Variants in SLF2 observed in about 807,000 individuals in gnomAD.
SLF2 encodes SMC5/6 complex localization factor 2.
In SLF2, 68 loss-of-function variants were observed where a neutral mutation model predicts 124.3. That is an observed-to-expected ratio of 0.55 (90% CI 0.45 to 0.67). SLF2 has a LOEUF of 0.67. Ranked by LOEUF, SLF2 falls within the 30% of genes least tolerant of loss-of-function variation. The pLI is 0.00. For synonymous variants in SLF2, 480 were observed against 478.8 expected (o/e 1.00, Z -0.03); for missense variants, 1,246 against 1,373.7 (o/e 0.91, Z 1.47).
intron 9 of SLF2, among the ~76,000 whole-genome samples, chr10:100,932,729 G>A (rs532709365): frequency 1.4e-3 from 217 of 150,138 alleles, no homozygotes; most frequent in Middle Eastern, 3.5e-3. Context: ...GTGCGCGCGC[G>A]CGCGCGCGCA....
At chr10:100,950,578 T>A (rs1850192022) in intron 16 of SLF2, 98 bp from the exon 17 acceptor site, 1 of 1,009,442 alleles carries the variant, frequency 9.9e-7, no homozygotes, top group South Asian at 1.5e-5. Flanking sequence ...CTTGACCGTA[T>A]CCTTTATCCT....
At chr10:100,938,778 G>T in intron 11 of SLF2, 42 bp downstream of exon 11, 1 of 1,534,940 alleles carries the variant, frequency 6.5e-7, no homozygotes, top group South Asian at 1.2e-5. Flanking sequence ...ATATCATTTC[G>T]TACGACTTAT....
chr10:100,914,719 G>A (rs1288424258), intron 1 of SLF2, among the ~76,000 whole-genome samples: 1 of 152,114 alleles, frequency 6.6e-6, no homozygotes, highest in East Asian at 1.9e-4. Context: ...TCCATAGCCC[G>A]TCACTCATAT....
intron 9 of SLF2, among the ~76,000 whole-genome samples, chr10:100,935,791 A>G (rs1849836744): frequency 6.6e-6 from 1 of 152,016 alleles, no homozygotes; most frequent in South Asian, 2.1e-4. Context: ...AGATGAAAGT[A>G]TAAAATAATA....
intron 17 of SLF2, among the ~76,000 whole-genome samples, chr10:100,952,546 C>T (rs1476097584): frequency 1.2e-5 from 1 of 81,714 alleles, no homozygotes; most frequent in African/African-American, 4.6e-5. Context: ...GACTCCACCT[C>T]AAAAAAAAAA....
intron 4 of SLF2, 80 bp downstream of exon 4, chr10:100,918,521 A>G (rs373243689): frequency 1.1e-6 from 1 of 888,314 alleles, no homozygotes; most frequent in African/African-American, 1.7e-5. Context: ...AATTTGTTTA[A>G]ATATGCAGTT....
At chr10:100,944,617 G>A (rs1015390133) in intron 12 of SLF2, among the ~76,000 whole-genome samples, 6 of 151,638 alleles carry the variant, frequency 4.0e-5, no homozygotes, top group Non-Finnish European at 8.8e-5. Flanking sequence ...TTTAATATTA[G>A]TGATGAACAG....
At position 100,931,053 on chromosome 10, in the gene SLF2, TC is replaced by T; in HGVS notation, c.2414del (p.Pro805LeufsTer3). 6.2e-7 allele frequency: 1 copy of T among 1,613,838 alleles called. No individual in the cohort carries two copies. The highest frequency in any genetic ancestry group is 8.5e-7 in the Non-Finnish European group (1 of 1,179,862). On this transcript the variant is annotated frameshift_variant, in exon 9 of 20. Coordinates refer to ENST00000238961, the MANE Select transcript of SLF2 (RefSeq NM_018121.4). LOFTEE classifies it high-confidence loss of function. ...GCTTATCACTATGTCCAGTGTCCTGTCCCTGTGTTAAAGTGGCTGTTTCGGG... is the reference window on the plus strand; with the variant it reads ...GCTTATCACTATGTCCAGTGTCCTGTCCTGTGTTAAAGTGGCTGTTTCGGG... ...TSAYHYVQCP[V>X]PVLKWLFRMM...
At position 100,924,923 on chromosome 10, in the gene SLF2, A is replaced by G. The variant is rs528451428; in HGVS notation, c.1922A>G (p.Lys641Arg). 1.2e-6 allele frequency: 2 copies of G among 1,614,028 alleles called. No homozygotes were observed. Among genetic ancestry groups the G allele is most frequent in the Admixed American group, 3.3e-5 (2 of 60,004 alleles). ...AATCAGACTCCTGCAGCTACAGGAA[A>G]GCCTCCTGCTCTTTCCAAGGGGCTT... ...NFNQTPAATG[K>R]PPALSKGLRS... Residue 641 changes from lysine (K) to arginine (R), a missense_variant, in exon 5 of 20, where the codon AAG becomes AGG. Physicochemically the swap from Lys to Arg is conservative, Grantham distance 26. Coordinates refer to ENST00000238961, the MANE Select transcript of SLF2 (RefSeq NM_018121.4).
intron 1 of SLF2, chr10:100,913,681 A>G (rs1190133403): frequency 5.0e-6 from 5 of 1,005,746 alleles, no homozygotes; most frequent in Non-Finnish European, 5.9e-6. Flanking sequence ...AATCCCTTCC[A>G]CGAATTACTT....
At chr10:100,939,517 A>C (rs904317556) in intron 11 of SLF2, among the ~76,000 whole-genome samples, 18 of 152,220 alleles carry the variant, frequency 1.2e-4, no homozygotes, top group African/African-American at 3.9e-4. Flanking sequence ...CTCTACTAAA[A>C]ATACAAAAAC....
intron 19 of SLF2, 37 bp downstream of exon 19, chr10:100,959,533 A>G: frequency 1.2e-6 from 2 of 1,608,752 alleles, no homozygotes; most frequent in South Asian, 2.2e-5. Context: ...TATTCTTAAT[A>G]GTTTTGCTGA....
Position 100,944,030 on chromosome 10 carries a change from G to A in SLF2, c.2659G>A (p.Glu887Lys). The change falls in exon 12 of 20, where the codon GAA becomes AAA. Residue 887 changes from glutamate to lysine, a missense_variant. This residue lies in a region of SLF2 where 535 missense variants were observed against 632.8 expected (regional missense o/e 0.85). Coordinates refer to ENST00000238961, the MANE Select transcript of SLF2 (RefSeq NM_018121.4). ...GCTTTACTCACTTCTCAATAGTTCT[G>A]AAACACAGACAACATCAAGGGGGAA... ...PDFNEDYLVSETQTTSRGKES... is the reference protein window; with the variant it reads ...PDFNEDYLVSKTQTTSRGKES... The A allele has an allele frequency of 6.2e-7, 1 of 1,606,686 alleles. No homozygotes were observed. The highest frequency in any genetic ancestry group is 8.5e-7 in the Non-Finnish European group (1 of 1,176,966).
In SLF2 at chr10:100,924,887, C is replaced by T. The variant is rs1849585725; in HGVS notation, c.1886C>T (p.Ala629Val). Residue 629 changes from alanine to valine, a missense_variant, in exon 5 of 20, where the codon GCT (alanine) becomes GTT (valine). Transcript: ENST00000238961. Reference sequence around the variant, plus strand: ...TTAAAGTCACTGGAAGAAATAATGGCTTTGAACTTCAATCAGACTCCTGCA... The same window carrying T: ...TTAAAGTCACTGGAAGAAATAATGGTTTTGAACTTCAATCAGACTCCTGCA... ...ETLKSLEEIM[A>V]LNFNQTPAAT... 2 of 1,614,128 alleles carry T rather than the reference C, an allele frequency of 1.2e-6. No homozygotes were observed. Among genetic ancestry groups the T allele is most frequent in the Non-Finnish European group, 1.7e-6 (2 of 1,180,022 alleles).
intron 9 of SLF2, 140 bp from the exon 10 acceptor site, chr10:100,937,262 T>C: frequency 1.4e-6 from 1 of 713,542 alleles, no homozygotes; most frequent in South Asian, 1.5e-5. Flanking sequence ...CCGCCCGCCT[T>C]AGCCTCACAA....
At chr10:100,935,480 C>T (rs1412366575) in intron 9 of SLF2, among the ~76,000 whole-genome samples, 2 of 151,742 alleles carry the variant, frequency 1.3e-5, no homozygotes, top group Non-Finnish European at 2.9e-5. Context: ...ATGGGTGGAT[C>T]ACTTCAGGCC....
At chr10:100,921,145 G>A (rs1849517892) in intron 4 of SLF2, among the ~76,000 whole-genome samples, 1 of 152,196 alleles carries the variant, frequency 6.6e-6, no homozygotes, top group Non-Finnish European at 1.5e-5. Flanking sequence ...TGGCTGAATT[G>A]TGAGGGGAAA....
At chr10:100,938,090 A>T (rs1849901012) in intron 10 of SLF2, among the ~76,000 whole-genome samples, 1 of 152,208 alleles carries the variant, frequency 6.6e-6, no homozygotes, top group Non-Finnish European at 1.5e-5. Flanking sequence ...TAGCCAATTA[A>T]GTTTAATTGG....
rs796950747 is a variant in SLF2 at position 100,917,424 on chromosome 10, C to T, written c.915+124C>T. On this transcript the variant is annotated intron_variant, in intron 3 of 19. Transcript: ENST00000238961. The stretch of plus-strand genomic sequence containing the variant: ...CTTTCCTGAAGGAAATACTTATGCA[C>T]AGTTTGTGTAGAAGCTGGTTTCATT... The T allele has an allele frequency of 7.3e-6, 8 of 1,103,122 alleles. No individual in the cohort carries two copies. In the South Asian group the frequency reaches 1.3e-4, roughly 17 times the overall value. The allele number at this position is 1,103,122 out of a possible 1,614,324, so 68.3% of individuals were successfully genotyped here. A position where few individuals can be genotyped will look rare whatever the true frequency, so the allele number is the denominator to read the frequency against.
Sources: allele counts gnomAD v4.1 joint callset (sites outside exome capture counted in the v4.1 genomes callset), GRCh38; gene constraint gnomAD v4.1.1; regional missense constraint gnomAD v4.1.1; transcripts MANE v1.5; gene names NCBI Gene and HGNC (gene_info 2026-07-23, HGNC 2026-07-21).